RSF1: variants seen among roughly 807,000 people sequenced by gnomAD.
RSF1 encodes remodeling and spacing factor 1.
A neutral mutation model predicts 145.2 loss-of-function variants in RSF1; 13 were observed. The observed-to-expected ratio is 0.09, with a 90% confidence interval of 0.06 to 0.14. The LOEUF is 0.14. RSF1 is among the 10% of genes least tolerant of loss of function. The probability of loss-of-function intolerance (pLI) is 1.00; values close to 1 mark genes in which losing one functional copy is unlikely to be tolerated. For missense variants in RSF1, 1,517 were observed against 1,718.2 expected, an observed-to-expected ratio of 0.88 and a Z score of 2.07; for synonymous variants, 577 against 592.6, an observed-to-expected ratio of 0.97 and a Z score of 0.38.
rs1205829028 is a variant in RSF1, at chr11:77,692,392, C to T, written c.2820+1115G>A. 6.7e-5 allele frequency among the ~76,000 whole-genome samples: 8 copies of T among 119,136 alleles called. 1 individual carries two copies. The highest frequency in any genetic ancestry group is 3.0e-4 in the African/African-American group (8 of 26,406). 78.2% of individuals were successfully genotyped at this position (119,136 alleles called of 152,430 possible). On this transcript the variant is annotated intron_variant, in intron 8 of 15. Coordinates refer to ENST00000308488, the MANE Select transcript of RSF1 (RefSeq NM_016578.4). ...CCCAAGTAGCTGGGACTACAGGCGCCCGCCACTACGCCCGGCTAATTTTTT... is the reference window on the plus strand; with the variant it reads ...CCCAAGTAGCTGGGACTACAGGCGCTCGCCACTACGCCCGGCTAATTTTTT...
chr11:77,692,040 GCC>G (rs1960161010), intron 8 of RSF1, among the ~76,000 whole-genome samples: 2 of 151,940 alleles, frequency 1.3e-5, no homozygotes, highest in South Asian at 4.1e-4. Context: ...ACAGGCGTGT[GCC>G]ACCATGCCTG....
rs529829624 is a variant in RSF1 at position 77,753,849 on chromosome 11, T to C, written c.280-6721A>G. On this transcript the variant is annotated intron_variant, in intron 2 of 15. Coordinates refer to ENST00000308488, the MANE Select transcript of RSF1 (RefSeq NM_016578.4). ...GGTTTGTTGTATGTCTGATAACCAG[T>C]GGCTCCACGTGGACCTGCCAATCTG... Among the ~76,000 whole-genome samples the C allele has an allele frequency of 6.6e-5, 10 of 152,342 alleles. No individual in the cohort carries two copies. The East Asian group carries it at 1.7e-3, about 26-fold the overall frequency.
chr11:77,726,716 T>C (rs1961062129), intron 4 of RSF1, among the ~76,000 whole-genome samples: 1 of 152,200 alleles, frequency 6.6e-6, no homozygotes, highest in Admixed American at 6.5e-5. Context: ...ATGTGCGATG[T>C]AAATACCCCT....
chr11:77,716,509 A>G (rs928041944), intron 5 of RSF1, among the ~76,000 whole-genome samples: 4 of 152,264 alleles, frequency 2.6e-5, no homozygotes, highest in South Asian at 2.1e-4. Context: ...GCTAAGTGAA[A>G]TAAGTCAGGA....
At chr11:77,764,164 C>T (rs1205350090) in intron 2 of RSF1, 2 of 155,570 alleles carry the variant, frequency 1.3e-5, no homozygotes, top group African/African-American at 2.4e-5. Context: ...ATGGGGATGA[C>T]CACTATTGGT....
At chr11:77,842,369 G>T in the RSF1 span, 1 of 1,057,600 alleles carries the variant, frequency 9.5e-7, no homozygotes. Context: ...CCACGTAAAT[G>T]AAAAGATGCT....
chr11:77,840,790 A>G, the RSF1 span, among the ~76,000 whole-genome samples: 2 of 152,080 alleles, frequency 1.3e-5, no homozygotes, highest in Non-Finnish European at 2.9e-5. Flanking sequence ...TTGAAGAGTG[A>G]CATTTTAGAT....
At chr11:77,842,750 A>G in the RSF1 span, 2 of 1,350,232 alleles carry the variant, frequency 1.5e-6, no homozygotes, top group Non-Finnish European at 1.0e-6. Context: ...TAATTCATAT[A>G]CCATTAAATT....
At chr11:77,855,868 G>C in the RSF1 span, among the ~76,000 whole-genome samples, 1 of 152,026 alleles carries the variant, frequency 6.6e-6, no homozygotes, top group Non-Finnish European at 1.5e-5. Context: ...GGGAGGCCAA[G>C]GTTATGAGGT....
At chr11:77,698,916 A>C (rs1192060903) in intron 6 of RSF1, among the ~76,000 whole-genome samples, 2 of 152,168 alleles carry the variant, frequency 1.3e-5, no homozygotes, top group African/African-American at 4.8e-5. Context: ...ACCGAATTAT[A>C]ATGAACATTT....
At chr11:77,728,498 A>G (rs1033013017) in intron 4 of RSF1, among the ~76,000 whole-genome samples, 2 of 150,876 alleles carry the variant, frequency 1.3e-5, no homozygotes, top group African/African-American at 4.9e-5. Context: ...AACATGGAGA[A>G]ACAGGAAAGG....
Position 77,683,425 on chromosome 11 carries a change from C to T in RSF1, c.3065+285G>A, listed in dbSNP as rs930638563. Among the ~76,000 whole-genome samples, 8 of 149,186 alleles carry T rather than the reference C, an allele frequency of 5.4e-5. 1 individual carries two copies. The South Asian group carries it at 6.4e-4, about 12-fold the overall frequency. ...CTGCTCTAAAATTATATGACTAGGC[C>T]GGGCGCGGTGGCTCATGGCTGTAAT... On this transcript the variant is annotated intron_variant, in intron 11 of 15. Coordinates refer to ENST00000308488, the MANE Select transcript of RSF1 (RefSeq NM_016578.4).
At chr11:77,869,302 A>ATC in the RSF1 span, 17,924 of 136,432 alleles carry the variant, frequency 0.13, 1,442 homozygotes, top group Non-Finnish European at 0.18. Context: ...TCGTTTATTT[A>ATC]TCTCTTTTTC....
chr11:77,821,184 A>G (rs1948879687), upstream of RSF1: 1 of 355,060 alleles, frequency 2.8e-6, no homozygotes, highest in Middle Eastern at 7.7e-4. Context: ...TGGGAGCGTA[A>G]GTGCGGGCAG....
rs1565166330 is a variant in RSF1 at position 77,740,950 on chromosome 11, AT to A, written c.373-15del. ...CTCACAGAGGTACTGAAAAATAGTC[AT>A]AACATGACTTAAAATACCTCACAAA... On this transcript the variant is annotated splice_polypyrimidine_tract_variant and intron_variant, in intron 3 of 15. Coordinates refer to ENST00000308488, the MANE Select transcript of RSF1 (RefSeq NM_016578.4). The A allele has an allele frequency of 6.3e-7, 1 of 1,580,388 alleles. No homozygotes were observed. Among genetic ancestry groups the A allele is most frequent in the East Asian group, 2.2e-5 (1 of 44,688 alleles).
intron 4 of RSF1, among the ~76,000 whole-genome samples, chr11:77,728,541 GGGAAGAGGAAAGGGAAGGGGAAAA>G (rs1309895926): frequency 1.3e-5 from 2 of 150,156 alleles, no homozygotes; most frequent in Non-Finnish European, 3.0e-5. Context: ...AAAGGGGAAA[GGGAAGAGGAAAGGGAAGGGGAAAA>G]GGAAGAGGAA....
At chr11:77,782,384 T>C (rs1462032260) in intron 1 of RSF1, among the ~76,000 whole-genome samples, 1 of 152,118 alleles carries the variant, frequency 6.6e-6, no homozygotes, top group Non-Finnish European at 1.5e-5. Flanking sequence ...CTACTAAATA[T>C]ACAAAACTTA....
intron 5 of RSF1, among the ~76,000 whole-genome samples, chr11:77,710,933 T>C (rs1365692099): frequency 1.3e-5 from 2 of 152,190 alleles, no homozygotes; most frequent in African/African-American, 4.8e-5. Flanking sequence ...AGATGATTCC[T>C]AGCTTATCAT....
intron 9 of RSF1, among the ~76,000 whole-genome samples, chr11:77,686,408 C>CAAAAAAAAAAAAAAAAAAAA (rs564410248): frequency 0.022 from 830 of 37,028 alleles, 186 homozygotes; most frequent in Non-Finnish European, 0.033. Flanking sequence ...GACCCTGTCT[C>CAAAAAAAAAAAAAAAAAAAA]AAAAAAAAAA....
Sources: gnomAD v4.1 joint callset for allele counts (sites outside exome capture counted in the v4.1 genomes callset) on GRCh38, gnomAD v4.1.1 for gene constraint, MANE v1.5 for transcripts, NCBI Gene and HGNC (gene_info 2026-07-23, HGNC 2026-07-21) for gene names.